The following PATJ variants were observed in gnomAD, a reference collection of about 807,000 sequenced individuals.
PATJ encodes the protein PATJ crumbs cell polarity complex component, also known as inaD-like protein.
A neutral mutation model predicts 224.9 loss-of-function variants in PATJ; 190 were observed. The observed-to-expected ratio is 0.84, with a 90% CI of 0.75 to 0.95. The LOEUF is 0.95. Among genes scored for constraint, PATJ ranks in the 40% least tolerant of loss-of-function variants. PATJ has a pLI of 0.00. For missense variants in PATJ, 2,121 were observed against 2,270.3 expected (o/e 0.93, Z 1.34); for synonymous variants, 769 against 820.3 (o/e 0.94, Z 1.07).
chr1:62,108,314 C>G (rs1663358561), intron 33 of PATJ, 123 bp from the exon 34 acceptor site: 2 of 528,848 alleles, frequency 3.8e-6, no homozygotes, highest in African/African-American at 1.9e-5. Flanking sequence ...TATTGTTTAT[C>G]TTTATGTCAG....
At chr1:61,984,953 A>G (rs186467996) in intron 27 of PATJ, among the ~76,000 whole-genome samples, 1 of 152,048 alleles carries the variant, frequency 6.6e-6, no homozygotes, top group African/African-American at 2.4e-5. Flanking sequence ...GATTCAATTC[A>G]TAGTAATTCA....
chr1:61,846,323 T>C (rs1661948924), intron 17 of PATJ: 1 of 152,194 alleles, frequency 6.6e-6, no homozygotes, highest in African/African-American at 2.4e-5. Flanking sequence ...GTATTTGTGC[T>C]TAGGTTAAGT....
chr1:61,833,057 A>C (rs1353157415), intron 16 of PATJ, among the ~76,000 whole-genome samples: 2 of 152,160 alleles, frequency 1.3e-5, no homozygotes. Context: ...TCAGATTTTC[A>C]TTATTTCAAC....
chr1:62,126,440 AT>A (rs1665728037), intron 39 of PATJ, among the ~76,000 whole-genome samples: 1 of 152,176 alleles, frequency 6.6e-6, no homozygotes, highest in African/African-American at 2.4e-5. Flanking sequence ...TTGACTAGAC[AT>A]CTTGATTGTA....
At chr1:61,977,367 G>C (rs1310029434) in intron 27 of PATJ, among the ~76,000 whole-genome samples, 3 of 152,120 alleles carry the variant, frequency 2.0e-5, no homozygotes, top group South Asian at 4.1e-4. Flanking sequence ...TGGGATTACA[G>C]GCGTGAGCCA....
intron 30 of PATJ, among the ~76,000 whole-genome samples, chr1:62,047,324 T>C (rs1353125400): frequency 6.6e-6 from 1 of 152,220 alleles, no homozygotes; most frequent in Non-Finnish European, 1.5e-5. Context: ...TGGCGTGATA[T>C]CGGCTCACCG....
chr1:61,748,840 G>T lies in PATJ; in HGVS notation c.-36+6285G>T, dbSNP rs1277179730. ...CTCAGCTAGTTTTTGTTTTTGTAGA[G>T]ATGGGGTTTTGCCATGTTTTAAATC... On this transcript the variant is annotated intron_variant, in intron 1 of 43. Transcript: ENST00000642238. Among the ~76,000 whole-genome samples, 7 of 152,098 alleles carry T rather than the reference G, an allele frequency of 4.6e-5. No individual in the cohort carries two copies. In the South Asian group the frequency reaches 6.2e-4, roughly 14 times the overall value.
In PATJ at chr1:61,771,523, T is replaced by C; in HGVS notation, c.617T>C (p.Leu206Ser). Residue 206 changes from leucine to serine, a missense_variant, in exon 6 of 44, where the codon TTA becomes TCA. Transcript: ENST00000642238. ...TCCCATCAGCAAGCAATTGCATTAT[T>C]ACAACAAACCACTGGATCTTTGAGA... ...NISHQQAIAL[L>S]QQTTGSLRLI... 2 of 1,613,308 alleles carry C rather than the reference T, an allele frequency of 1.2e-6. No homozygotes were observed. Among genetic ancestry groups the C allele is most frequent in the Non-Finnish European group, 1.7e-6 (2 of 1,179,666 alleles).
intron 17 of PATJ, among the ~76,000 whole-genome samples, chr1:61,845,829 C>G (rs12402847): frequency 0.093 from 14,095 of 152,186 alleles, 766 homozygotes; most frequent in South Asian, 0.14. Flanking sequence ...AGTGTCTGCT[C>G]AGGGAGAATG....
intron 34 of PATJ, among the ~76,000 whole-genome samples, chr1:62,109,566 T>G (rs969435319): frequency 1.3e-5 from 2 of 152,230 alleles, no homozygotes; most frequent in Non-Finnish European, 2.9e-5. Context: ...GCAAGACCTC[T>G]CTGGGAGCTG....
chr1:61,962,138 A>G (rs1487765577), intron 27 of PATJ, among the ~76,000 whole-genome samples: 1 of 151,932 alleles, frequency 6.6e-6, no homozygotes, highest in Non-Finnish European at 1.5e-5. Context: ...TGGTTCCTCT[A>G]TTATTTCATT....
At chr1:61,963,757 G>A (rs1042332296) in intron 27 of PATJ, among the ~76,000 whole-genome samples, 2 of 152,174 alleles carry the variant, frequency 1.3e-5, no homozygotes, top group African/African-American at 2.4e-5. Flanking sequence ...GGCAGAGATG[G>A]AAGAAATTTT....
At position 61,900,588 on chromosome 1, in the gene PATJ, CT is replaced by C. The variant is rs1670995835; in HGVS notation, c.3204-690del. Among the ~76,000 whole-genome samples, 6 of 151,734 alleles carry C rather than the reference CT, an allele frequency of 4.0e-5. No individual in the cohort carries two copies. In the South Asian group the frequency reaches 1.0e-3, roughly 26 times the overall value. On this transcript the variant is annotated intron_variant, in intron 23 of 43. Transcript: ENST00000642238. Reference sequence around the variant, plus strand: ...GAAATGACATATGTGGCTTTCTTTTCTTTTCTTTTCTTTTTTTTTGAGACGG... The same window carrying C: ...GAAATGACATATGTGGCTTTCTTTTCTTTCTTTTCTTTTTTTTTGAGACGG...
chr1:62,040,054 A>T (rs1316418429), intron 30 of PATJ, among the ~76,000 whole-genome samples: 1 of 150,960 alleles, frequency 6.6e-6, no homozygotes. Context: ...CTCTCTAGGG[A>T]GCATCTGGTG....
chr1:61,971,604 T>C (rs1418513012), intron 27 of PATJ, among the ~76,000 whole-genome samples: 2 of 151,494 alleles, frequency 1.3e-5, no homozygotes, highest in Admixed American at 1.3e-4. Flanking sequence ...CAGAGTGAGA[T>C]CCTGTCTCAA....
At chr1:61,877,850 T>G (rs1667546959) in intron 21 of PATJ, among the ~76,000 whole-genome samples, 1 of 152,216 alleles carries the variant, frequency 6.6e-6, no homozygotes, top group East Asian at 1.9e-4. Context: ...TTTTCTAACC[T>G]CTGTACCCCT....
chr1:61,911,048 A>G (rs1025008779), intron 25 of PATJ, among the ~76,000 whole-genome samples: 1 of 152,132 alleles, frequency 6.6e-6, no homozygotes, highest in African/African-American at 2.4e-5. Context: ...AAAATAAGTC[A>G]TTTTCTAATG....
chr1:62,023,941 C>T (rs895676874), intron 29 of PATJ, among the ~76,000 whole-genome samples: 1 of 152,080 alleles, frequency 6.6e-6, no homozygotes, highest in East Asian at 1.9e-4. Flanking sequence ...TTTTCTGCAT[C>T]TATTGAGATG....
chr1:62,118,226 G>A (rs779260955), intron 37 of PATJ, among the ~76,000 whole-genome samples: 3 of 150,310 alleles, frequency 2.0e-5, no homozygotes. Context: ...TTACATAATG[G>A]GCAGCAAATA....
Sources: allele counts gnomAD v4.1 joint callset (sites outside exome capture counted in the v4.1 genomes callset), GRCh38; gene constraint gnomAD v4.1.1; transcripts MANE v1.5; gene names NCBI Gene and HGNC (gene_info 2026-07-23, HGNC 2026-07-21).